SLC26A5: variants seen among roughly 807,000 people sequenced by gnomAD.
SLC26A5 encodes the protein solute carrier family 26 member 5.
In SLC26A5, 51 loss-of-function variants were observed where a neutral mutation model predicts 81.0. The ratio of observed to expected loss-of-function variants is 0.63; its 90% confidence interval spans 0.50 to 0.80. The LOEUF is 0.80. Among genes scored for constraint, SLC26A5 ranks in the 30% least tolerant of loss-of-function variants. The pLI, the probability that SLC26A5 is intolerant of heterozygous loss-of-function variation, is 0.00. For missense variants in SLC26A5, 771 were observed against 905.8 expected (o/e 0.85, Z 1.91); for synonymous variants, 325 against 332.8 (o/e 0.98, Z 0.25).
intron 19 of SLC26A5, among the ~76,000 whole-genome samples, chr7:103,355,367 T>G (rs113835327): frequency 9.9e-5 from 15 of 152,216 alleles, no homozygotes; most frequent in African/African-American, 3.6e-4. Context: ...AAATGTCAAA[T>G]GTGGCATTAT....
chr7:103,374,491 G>A lies in SLC26A5; in HGVS notation c.2143C>T (p.Leu715Phe). 2 of 1,613,830 alleles carry A rather than the reference G, an allele frequency of 1.2e-6. No homozygotes were observed. Among genetic ancestry groups the A allele is most frequent in the South Asian group, 1.1e-5 (1 of 91,058 alleles). Residue 715 changes from leucine to phenylalanine, a missense_variant, in exon 20 of 20, where the codon CTT (leucine) becomes TTT (phenylalanine). Leu to Phe is a conservative substitution (Grantham distance 22, BLOSUM62 0). Coordinates refer to ENST00000306312, the MANE Select transcript of SLC26A5 (RefSeq NM_198999.3). ...SIHDAVLGSQ[L>F]REALAEQEAS... ...TCCTGTTCAGCAAGTGCCTCTCTAA[G>A]TTGGCTGCCTAAAACTGCATCATGA...
chr7:103,400,975 A>C (rs1172599552), intron 8 of SLC26A5, among the ~76,000 whole-genome samples: 1 of 152,182 alleles, frequency 6.6e-6, no homozygotes, highest in Non-Finnish European at 1.5e-5. Flanking sequence ...CTTGTAGTAT[A>C]GTTTGAAGTC....
In SLC26A5 at chr7:103,389,390, T is replaced by G; in HGVS notation, c.1346A>C (p.Lys449Thr). 1 of 1,614,124 alleles carries G rather than the reference T, an allele frequency of 6.2e-7. No homozygotes were observed. The change falls in exon 13 of 20, where the codon AAG (lysine) becomes ACG (threonine). Residue 449 changes from lysine to threonine, a missense_variant. Transcript: ENST00000306312. ...VLSAIVIVNL[K>T]GMFMQFSDLP... ...ATCTGAGAACTGCATAAACATTCCC[T>G]TCAGGTTGACAATCACAATGGCCGA... is the stretch of plus-strand genomic sequence containing the variant.
chr7:103,397,672 G>T (rs1004053978), intron 9 of SLC26A5, among the ~76,000 whole-genome samples: 8 of 148,976 alleles, frequency 5.4e-5, no homozygotes, highest in Admixed American at 3.3e-4. Context: ...AGCAGAGAAG[G>T]CGCCACTGCA....
At position 103,407,923 on chromosome 7, in the gene SLC26A5, C is replaced by A; in HGVS notation, c.816G>T (p.Leu272=). The change falls in exon 8 of 20, where the codon CTG becomes CTT. Residue 272 remains leucine (L), a synonymous_variant. Transcript: ENST00000306312. ...TCTCATTAAACTCCTTGCCACCCAA[C>A]AGCAAACCAAAAACCATCAGCCCGA... ...LGVGLMVFGL[L]LGGKEFNERF... is the part of the protein sequence containing the mutation. 1 of 1,614,218 alleles carries A rather than the reference C, an allele frequency of 6.2e-7. No individual in the cohort carries two copies. Among genetic ancestry groups the A allele is most frequent in the Non-Finnish European group, 8.5e-7 (1 of 1,180,038 alleles).
downstream of SLC26A5, among the ~76,000 whole-genome samples, chr7:103,371,417 C>T (rs922138951): frequency 2.0e-5 from 3 of 149,410 alleles, no homozygotes; most frequent in South Asian, 2.1e-4. Context: ...CTCCGCCTCC[C>T]GGGTTCACGC....
In SLC26A5 at chr7:103,415,723, A is replaced by T. The variant is rs373355826; in HGVS notation, c.293-2611T>A. ...TCATTATGTGACTTTTTTTCTTTCT[A>T]GTCTGAGATCCTCTATTTATCCCTG... On this transcript the variant is annotated intron_variant, in intron 4 of 19. Coordinates refer to ENST00000306312, the MANE Select transcript of SLC26A5 (RefSeq NM_198999.3). Among the ~76,000 whole-genome samples the T allele has an allele frequency of 1.4e-4, 21 of 152,128 alleles. No homozygotes were observed. In the South Asian group the frequency reaches 4.4e-3, roughly 32 times the overall value.
downstream of SLC26A5, among the ~76,000 whole-genome samples, chr7:103,371,355 C>T (rs910172976): frequency 8.1e-5 from 12 of 147,778 alleles, no homozygotes; most frequent in African/African-American, 7.6e-5. Flanking sequence ...GACGGAGTCT[C>T]GCTCTGTCGC....
chr7:103,383,866 A>G (rs532408662), intron 14 of SLC26A5, among the ~76,000 whole-genome samples: 1 of 152,168 alleles, frequency 6.6e-6, no homozygotes, highest in South Asian at 2.1e-4. Flanking sequence ...AGGTCTCACA[A>G]TGCAATGTCT....
intron 16 of SLC26A5, 115 bp from the exon 17 acceptor site, chr7:103,378,668 C>T (rs925925322): frequency 2.9e-5 from 26 of 894,772 alleles, no homozygotes; most frequent in Admixed American, 5.4e-5. Context: ...ATTATCACCC[C>T]AACCCTTGCA....
chr7:103,445,724 T>G (rs984341870), intron 1 of SLC26A5: 4 of 152,158 alleles, frequency 2.6e-5, no homozygotes, highest in Admixed American at 2.6e-4. Context: ...CCTGGTTTTG[T>G]GTAATTCGAT....
intron 8 of SLC26A5, among the ~76,000 whole-genome samples, chr7:103,404,767 G>A (rs996260651): frequency 2.0e-5 from 3 of 152,170 alleles, no homozygotes; most frequent in Admixed American, 2.0e-4. Flanking sequence ...ATAATGTCCT[G>A]AAGAGTGTTT....
chr7:103,399,470 G>C (rs1477700227), intron 8 of SLC26A5, among the ~76,000 whole-genome samples: 1 of 152,208 alleles, frequency 6.6e-6, no homozygotes, highest in East Asian at 1.9e-4. Flanking sequence ...AAAAGAAAAG[G>C]TTTGAAGGTA....
intron 2 of SLC26A5, among the ~76,000 whole-genome samples, chr7:103,429,493 C>G (rs1185356158): frequency 1.3e-5 from 2 of 152,178 alleles, no homozygotes; most frequent in Non-Finnish European, 2.9e-5. Context: ...TAGCAAAAGT[C>G]TCATGAATTA....
chr7:103,428,706 G>A (rs1252409545), intron 2 of SLC26A5, among the ~76,000 whole-genome samples: 1 of 152,008 alleles, frequency 6.6e-6, no homozygotes, highest in East Asian at 1.9e-4. Context: ...GGGACTACAG[G>A]TGTGTGCCAC....
chr7:103,367,829 T>A lies in SLC26A5; in HGVS notation c.2041+8979A>T. The stretch of plus-strand genomic sequence containing the variant: ...GCACTGGTAAGTAGAAAGTTCTTGC[T>A]TATATTTGCTGGTCTGTCTGCTCAG... On this transcript the variant is annotated intron_variant, in intron 19 of 19. Transcript: ENST00000339444. The surrounding 1 kb of genome is among the most constrained non-coding windows in gnomAD (Gnocchi z 6.1). The A allele has an allele frequency of 6.2e-7, 1 of 1,611,988 alleles. No individual in the cohort carries two copies. Among genetic ancestry groups the A allele is most frequent in the South Asian group, 1.1e-5 (1 of 90,636 alleles).
At chr7:103,396,123 G>A (rs1267143520) in intron 9 of SLC26A5, among the ~76,000 whole-genome samples, 3 of 152,166 alleles carry the variant, frequency 2.0e-5, no homozygotes, top group African/African-American at 7.2e-5. Flanking sequence ...TACGTGGCAG[G>A]CTAGGATTTA....
intron 2 of SLC26A5, among the ~76,000 whole-genome samples, chr7:103,431,474 C>A (rs1826079638): frequency 6.6e-6 from 1 of 152,066 alleles, no homozygotes; most frequent in Admixed American, 6.6e-5. Context: ...AGGCATGTGC[C>A]ACCACAGCTG....
chr7:103,395,939 C>A (rs1823078012), intron 9 of SLC26A5, among the ~76,000 whole-genome samples: 1 of 152,130 alleles, frequency 6.6e-6, no homozygotes, highest in Non-Finnish European at 1.5e-5. Flanking sequence ...AAGTAGTTAA[C>A]ACGACTTGAA....
Sources: gnomAD v4.1 joint callset for allele counts (sites outside exome capture counted in the v4.1 genomes callset) on GRCh38, gnomAD v4.1.1 for gene constraint, Gnocchi (gnomAD v3.1) non-coding constraint, MANE v1.5 for transcripts, NCBI Gene and HGNC (gene_info 2026-07-23, HGNC 2026-07-21) for gene names.